XPA: variants seen among roughly 807,000 people sequenced by gnomAD.
XPA encodes XPA, DNA damage recognition and repair factor.
XPA carries 27 observed loss-of-function variants against 35.7 expected under a neutral mutation model. The observed-to-expected ratio is 0.76, with a 90% CI of 0.56 to 1.04. The LOEUF is 1.04. Ranked by LOEUF, XPA falls within the 50% of genes least tolerant of loss-of-function variation. The pLI is 0.00. For synonymous variants in XPA, 133 were observed against 118.4 expected, an observed-to-expected ratio of 1.12 and a Z score of -0.80; for missense variants, 354 against 342.7, an observed-to-expected ratio of 1.03 and a Z score of -0.26.
At chr9:97,661,110 G>A in the XPA span, 91 of 1,602,776 alleles carry the variant, frequency 5.7e-5, no homozygotes, top group Non-Finnish European at 9.3e-6. Context: ...CTATGTATAG[G>A]CCAACTTAAA....
At chr9:97,655,041 T>G in the XPA span, 1 of 1,085,930 alleles carries the variant, frequency 9.2e-7, no homozygotes, top group Admixed American at 3.0e-5. Flanking sequence ...AATTTCCATG[T>G]TTAGTTTTTT....
Position 97,689,077 on chromosome 9 carries a change from TTCTC to T in XPA, c.389+453_389+456del, listed in dbSNP as rs1235620002. 2.6e-5 allele frequency among the ~76,000 whole-genome samples: 4 copies of T among 152,290 alleles called. No homozygotes were observed. In the East Asian group the frequency reaches 7.7e-4, roughly 29 times the overall value. On this transcript the variant is annotated intron_variant, in intron 3 of 5. Coordinates refer to ENST00000375128, the MANE Select transcript of XPA (RefSeq NM_000380.4). Reference sequence around the variant, plus strand: ...GAAGAATATAGTTCTTCCTCATCTATTCTCTCTATGAGGGTAGCAAAAGATGAAT... The same window carrying T: ...GAAGAATATAGTTCTTCCTCATCTATTCTATGAGGGTAGCAAAAGATGAAT...
At chr9:97,689,755 A>G (rs959696524) in intron 2 of XPA, 116 bp from the exon 3 acceptor site, 8 of 621,914 alleles carry the variant, frequency 1.3e-5, no homozygotes, top group Non-Finnish European at 2.3e-5. Flanking sequence ...ACATTTAAGT[A>G]AAAGACAAAA....
At position 97,685,022 on chromosome 9, in the gene XPA, CA is replaced by C; in HGVS notation, c.573del (p.Glu192LysfsTer9). ...AATGCTTCTTGACTACCCCAAACTT[CA>C]AGAGACCTCTTCACAATCTACAACA... ...YLKLQIVKRS[L>X]EVWGSQEALE... On this transcript the variant is annotated frameshift_variant, in exon 5 of 6. Transcript: ENST00000375128. LOFTEE classifies it high-confidence loss of function. 1.9e-6 allele frequency: 3 copies of C among 1,613,526 alleles called. No individual in the cohort carries two copies. Among genetic ancestry groups the C allele is most frequent in the Non-Finnish European group, 2.5e-6 (3 of 1,179,790 alleles).
At chr9:97,655,665 TC>T in the XPA span, 3 of 1,538,630 alleles carry the variant, frequency 1.9e-6, no homozygotes, top group African/African-American at 2.8e-5. Context: ...CAGTTATTCT[TC>T]CTTTTTCTCT....
intron 4 of XPA, among the ~76,000 whole-genome samples, chr9:97,685,334 T>C (rs1828684017): frequency 6.6e-6 from 1 of 152,182 alleles, no homozygotes; most frequent in African/African-American, 2.4e-5. Context: ...TCAGTGAGTT[T>C]GATCAACTGT....
intron 5 of XPA, among the ~76,000 whole-genome samples, 174 bp downstream of exon 5, chr9:97,684,749 T>C (rs1480159430): frequency 6.6e-6 from 1 of 152,216 alleles, no homozygotes. Flanking sequence ...CTGTGAGGTT[T>C]GAGCTTAGTG....
intron 5 of XPA, among the ~76,000 whole-genome samples, chr9:97,681,906 C>A (rs902670983): frequency 3.3e-5 from 5 of 152,178 alleles, no homozygotes; most frequent in African/African-American, 1.2e-4. Context: ...TTCAAAAGAA[C>A]TCTCCAAATA....
chr9:97,682,566 A>G, intron 5 of XPA: 1 of 433,632 alleles, frequency 2.3e-6, no homozygotes, highest in Non-Finnish European at 4.5e-6. Flanking sequence ...AAACATTTCT[A>G]TTTACAGAGA....
At chr9:97,671,027 C>T, downstream of XPA, 1 of 1,158,252 alleles carries the variant, frequency 8.6e-7, no homozygotes, top group Non-Finnish European at 1.3e-6. Context: ...AGGAAATGTT[C>T]CACAAGATTG....
chr9:97,677,559 G>A (rs1239036318), intron 5 of XPA, among the ~76,000 whole-genome samples: 1 of 151,810 alleles, frequency 6.6e-6, no homozygotes, highest in Non-Finnish European at 1.5e-5. Context: ...AGCTAGCCAC[G>A]GTGACATGAG....
chr9:97,656,529 C>T, the XPA span, among the ~76,000 whole-genome samples: 6 of 151,748 alleles, frequency 4.0e-5, no homozygotes, highest in East Asian at 3.9e-4. Flanking sequence ...CCAATCTGGC[C>T]GACAGAGCGA....
chr9:97,655,077 A>T, the XPA span: 4 of 649,016 alleles, frequency 6.2e-6, no homozygotes, highest in Admixed American at 1.4e-4. Context: ...TAACCTTTGT[A>T]TAATAACCAG....
the XPA span, chr9:97,663,068 C>A: frequency 3.3e-6 from 5 of 1,535,144 alleles, no homozygotes; most frequent in East Asian, 1.1e-4. Context: ...TTTAATTAGA[C>A]ATGTTGAAGC....
At chr9:97,691,489 T>G (rs1283647759) in intron 2 of XPA, among the ~76,000 whole-genome samples, 3 of 151,572 alleles carry the variant, frequency 2.0e-5, no homozygotes, top group Non-Finnish European at 4.4e-5. Context: ...ATCACTTGAG[T>G]CCAGGAGTTC....
At chr9:97,663,195 G>T in the XPA span, 1 of 627,632 alleles carries the variant, frequency 1.6e-6, no homozygotes, top group Non-Finnish European at 2.8e-6. Context: ...AGTGCTATGG[G>T]AGTAATGATG....
intron 5 of XPA, among the ~76,000 whole-genome samples, chr9:97,680,690 A>G (rs553335927): frequency 9.9e-5 from 15 of 152,240 alleles, no homozygotes; most frequent in Non-Finnish European, 1.6e-4. Context: ...CTTTTTTCAC[A>G]TTACTTCATT....
At chr9:97,669,569 C>T in the XPA span, 1 of 1,513,690 alleles carries the variant, frequency 6.6e-7, no homozygotes, top group Admixed American at 1.7e-5. Flanking sequence ...TGTAGTACTA[C>T]CTTAACTTCT....
intron 2 of XPA, among the ~76,000 whole-genome samples, chr9:97,690,153 C>T (rs2808668): frequency 0.68 from 103,647 of 152,128 alleles, 35,825 homozygotes; most frequent in African/African-American, 0.77. Context: ...GCTTCTCACA[C>T]GGCATCACCC....
Sources: allele counts gnomAD v4.1 joint callset (sites outside exome capture counted in the v4.1 genomes callset), GRCh38; gene constraint gnomAD v4.1.1; transcripts MANE v1.5; gene names NCBI Gene and HGNC (gene_info 2026-07-23, HGNC 2026-07-21).